KCND2: variants seen among roughly 807,000 people sequenced by gnomAD.
KCND2 encodes the protein potassium voltage-gated channel subfamily D member 2.
Under a neutral mutation model 54.4 loss-of-function variants are expected in KCND2, and 16 were observed. That is an observed-to-expected ratio of 0.29 (90% CI 0.20 to 0.45). The LOEUF is 0.45. Ranked by LOEUF, KCND2 falls within the 20% of genes least tolerant of loss-of-function variation. KCND2 has a pLI of 1.00. For synonymous variants in KCND2, 317 were observed against 310.7 expected, an observed-to-expected ratio of 1.02 and a Z score of -0.21; for missense variants, 486 against 824.2, an observed-to-expected ratio of 0.59 and a Z score of 5.02.
chr7:120,365,311 A>C (rs1800654354), intron 1 of KCND2, among the ~76,000 whole-genome samples: 1 of 152,028 alleles, frequency 6.6e-6, no homozygotes, highest in Non-Finnish European at 1.5e-5. Flanking sequence ...TCCTGAGCCG[A>C]AGTGTCATTT....
chr7:120,519,155 C>T (rs534683400), intron 1 of KCND2, among the ~76,000 whole-genome samples: 1 of 152,004 alleles, frequency 6.6e-6, no homozygotes, highest in African/African-American at 2.4e-5. Context: ...TGGTGAAAAC[C>T]CTTCTCTACT....
At chr7:120,553,483 T>C (rs1792126074) in intron 1 of KCND2, among the ~76,000 whole-genome samples, 1 of 152,236 alleles carries the variant, frequency 6.6e-6, no homozygotes, top group African/African-American at 2.4e-5. Flanking sequence ...ATGTACTTGT[T>C]TTAAAGCACC....
At chr7:120,446,565 TAC>T (rs57760602) in intron 1 of KCND2, among the ~76,000 whole-genome samples, 1 of 91,472 alleles carries the variant, frequency 1.1e-5, no homozygotes, top group Non-Finnish European at 1.9e-5. Flanking sequence ...CACACACACA[TAC>T]ACATACACAT....
chr7:120,648,506 A>T (rs1793468932), intron 1 of KCND2, among the ~76,000 whole-genome samples: 1 of 152,174 alleles, frequency 6.6e-6, no homozygotes, highest in South Asian at 2.1e-4. Context: ...AGTCAACAAG[A>T]TGGAGAAAGA....
At chr7:120,613,708 TC>T (rs1420773753) in intron 1 of KCND2, among the ~76,000 whole-genome samples, 6 of 152,070 alleles carry the variant, frequency 3.9e-5, no homozygotes, top group Middle Eastern at 6.8e-3. Context: ...GCTGGGGAGG[TC>T]CTTCATTTTT....
Position 120,356,300 on chromosome 7 carries a change from T to A in KCND2, c.1115+80553T>A, listed in dbSNP as rs1010236137. 3.9e-5 allele frequency among the ~76,000 whole-genome samples: 6 copies of A among 152,142 alleles called. No homozygotes were observed. In the South Asian group the frequency reaches 1.2e-3, roughly 32 times the overall value. ...CATTTTTTACAAAGTCATGAAATAA[T>A]GTGTGCTCCCCTAGGTATGCCTTTA... On this transcript the variant is annotated intron_variant, in intron 1 of 5. Transcript: ENST00000331113.
chr7:120,453,829 G>C (rs1296497415), intron 1 of KCND2, among the ~76,000 whole-genome samples: 1 of 152,206 alleles, frequency 6.6e-6, no homozygotes, highest in Non-Finnish European at 1.5e-5. Flanking sequence ...GCTCACACCT[G>C]TAATCCCAGC....
At chr7:120,659,974 T>C (rs1791846638) in intron 1 of KCND2, among the ~76,000 whole-genome samples, 1 of 152,194 alleles carries the variant, frequency 6.6e-6, no homozygotes, top group African/African-American at 2.4e-5. Context: ...TTCTAGTTGC[T>C]GCAGAGACCG....
chr7:120,735,796 T>C (rs947667549), intron 2 of KCND2, among the ~76,000 whole-genome samples: 2 of 152,052 alleles, frequency 1.3e-5, no homozygotes, highest in Non-Finnish European at 2.9e-5. Context: ...TAAAGTAAAA[T>C]ATAATAACCA....
chr7:120,457,793 A>G (rs1290760194), intron 1 of KCND2, among the ~76,000 whole-genome samples: 1 of 152,094 alleles, frequency 6.6e-6, no homozygotes, highest in Non-Finnish European at 1.5e-5. Context: ...CCACATTTTC[A>G]GGTATCTTTA....
chr7:120,398,587 G>GT (rs775474782), intron 1 of KCND2, among the ~76,000 whole-genome samples: 8 of 152,090 alleles, frequency 5.3e-5, no homozygotes, highest in Non-Finnish European at 1.2e-4. Context: ...CTCTACTAGT[G>GT]TAAGTAGGAA....
intron 1 of KCND2, among the ~76,000 whole-genome samples, chr7:120,524,429 A>C (rs1193424798): frequency 6.6e-6 from 1 of 152,130 alleles, no homozygotes; most frequent in East Asian, 1.9e-4. Context: ...GCTAACTTTT[A>C]AAATATATTT....
chr7:120,461,750 A>T (rs28481847), intron 1 of KCND2, among the ~76,000 whole-genome samples: 10,010 of 150,566 alleles, frequency 0.066, 980 homozygotes, highest in African/African-American at 0.23. Flanking sequence ...TCATTTTTTT[A>T]AAAAAAAACA....
At chr7:120,657,801 T>C (rs1162913175) in intron 1 of KCND2, among the ~76,000 whole-genome samples, 1 of 151,868 alleles carries the variant, frequency 6.6e-6, no homozygotes, top group Non-Finnish European at 1.5e-5. Flanking sequence ...TGAGTTATCA[T>C]CACATCACTG....
intron 4 of KCND2, 123 bp downstream of exon 4, chr7:120,742,725 C>A: frequency 1.3e-6 from 1 of 768,288 alleles, no homozygotes; most frequent in Non-Finnish European, 2.3e-6. Flanking sequence ...TGCTAAAAAA[C>A]AAACAAACCA....
At chr7:120,585,090 A>C (rs1792575856) in intron 1 of KCND2, among the ~76,000 whole-genome samples, 1 of 152,124 alleles carries the variant, frequency 6.6e-6, no homozygotes, top group African/African-American at 2.4e-5. Context: ...CCTGACACAC[A>C]CTTAGGTGTG....
chr7:120,627,569 C>A (rs78689399), intron 1 of KCND2, among the ~76,000 whole-genome samples: 4,301 of 152,100 alleles, frequency 0.028, 169 homozygotes, highest in African/African-American at 0.09. Context: ...AAAAATTACT[C>A]TTTAATTCAT....
chr7:120,579,283 T>G (rs1228928103), intron 1 of KCND2, among the ~76,000 whole-genome samples: 1 of 152,060 alleles, frequency 6.6e-6, no homozygotes, highest in African/African-American at 2.4e-5. Context: ...TTCTTTATTC[T>G]CAGATTTATC....
At position 120,373,303 on chromosome 7, in the gene KCND2, G is replaced by A. The variant is rs142890259; in HGVS notation, c.1115+97556G>A. Reference sequence around the variant, plus strand: ...TAATCTTCTCTCTTTGGTAGCTAGAGAACAGAGCCTGCCCCTAGGCCCTGC... The same window carrying A: ...TAATCTTCTCTCTTTGGTAGCTAGAAAACAGAGCCTGCCCCTAGGCCCTGC... On this transcript the variant is annotated intron_variant, in intron 1 of 5. Transcript: ENST00000331113. Among the ~76,000 whole-genome samples the A allele has an allele frequency of 5.3e-5, 8 of 151,860 alleles. No individual in the cohort carries two copies. In the East Asian group the frequency reaches 1.2e-3, roughly 22 times the overall value.
Sources: allele counts gnomAD v4.1 joint callset (sites outside exome capture counted in the v4.1 genomes callset), GRCh38; gene constraint gnomAD v4.1.1; transcripts MANE v1.5; gene names NCBI Gene and HGNC (gene_info 2026-07-23, HGNC 2026-07-21).